Variants in FAM227B observed in about 807,000 individuals in gnomAD.
FAM227B encodes protein FAM227B.
Under a neutral mutation model 73.8 loss-of-function variants are expected in FAM227B, and 88 were observed. The ratio of observed to expected loss-of-function variants is 1.19; its 90% CI spans 1.00 to 1.42. The LOEUF (loss-of-function observed/expected upper bound fraction) is 1.42, where lower values mean the gene tolerates loss of function less well. Among genes scored for constraint, FAM227B ranks in the 40% most tolerant of loss-of-function variants. FAM227B has a pLI of 0.00. For missense variants in FAM227B, 632 were observed against 590.9 expected, an observed-to-expected ratio of 1.07 and a Z score of -0.72; for synonymous variants, 210 against 190.5, an observed-to-expected ratio of 1.10 and a Z score of -0.84.
At chr15:49,499,510 G>T (rs983489181) in intron 11 of FAM227B, among the ~76,000 whole-genome samples, 3 of 152,104 alleles carry the variant, frequency 2.0e-5, no homozygotes, top group Non-Finnish European at 4.4e-5. Context: ...TTAAAATAAA[G>T]ATGCCCGAGT....
chr15:49,525,594 A>C (rs1169933312), intron 10 of FAM227B, among the ~76,000 whole-genome samples: 1 of 149,216 alleles, frequency 6.7e-6, no homozygotes, highest in Non-Finnish European at 1.5e-5. Context: ...GACCAGTTCT[A>C]CAGGACCTGC....
chr15:49,484,433 A>G (rs1265157291), intron 11 of FAM227B: 1 of 1,591,512 alleles, frequency 6.3e-7, no homozygotes, highest in Non-Finnish European at 8.5e-7. Flanking sequence ...TCAAAAGGGG[A>G]TTCCTGTAAG....
In FAM227B at chr15:49,427,597, C is replaced by A. The variant is rs564819199; in HGVS notation, c.1013-56198G>T. On this transcript the variant is annotated intron_variant, in intron 11 of 15. Coordinates refer to ENST00000299338, the MANE Select transcript of FAM227B (RefSeq NM_152647.3). The stretch of plus-strand genomic sequence containing the variant: ...GCCAGCTATGCAAAATATAATTATT[C>A]TTCTGGTTACCAAAAGAAAGTCCCC... 9.1e-4 allele frequency among the ~76,000 whole-genome samples: 138 copies of A among 152,002 alleles called. 5 individuals carry two copies. In the South Asian group the frequency reaches 0.027, roughly 30 times the overall value.
At chr15:49,379,375 G>A (rs1053963303) in intron 11 of FAM227B, among the ~76,000 whole-genome samples, 1 of 152,074 alleles carries the variant, frequency 6.6e-6, no homozygotes, top group Non-Finnish European at 1.5e-5. Flanking sequence ...AGTAGGATTG[G>A]TGTTAGTTCT....
chr15:49,334,853 G>A (rs1035759511), intron 14 of FAM227B, among the ~76,000 whole-genome samples: 6 of 152,148 alleles, frequency 3.9e-5, no homozygotes, highest in Non-Finnish European at 8.8e-5. Context: ...ACTGGACCCT[G>A]CCCATTTGTT....
intron 11 of FAM227B, among the ~76,000 whole-genome samples, chr15:49,469,258 CA>C (rs1365911849): frequency 6.6e-6 from 1 of 152,044 alleles, no homozygotes; most frequent in Non-Finnish European, 1.5e-5. Context: ...TTTAGAGAAA[CA>C]TTTCTTGGTT....
chr15:49,617,994 TAG>T (rs1447510537), intron 1 of FAM227B, among the ~76,000 whole-genome samples: 2 of 152,190 alleles, frequency 1.3e-5, no homozygotes, highest in Admixed American at 6.5e-5. Flanking sequence ...GCCAGCAGTG[TAG>T]AGTCTTCTCC....
At chr15:49,616,873 T>A (rs538011291) in intron 1 of FAM227B, among the ~76,000 whole-genome samples, 1 of 152,358 alleles carries the variant, frequency 6.6e-6, no homozygotes, top group South Asian at 2.1e-4. Flanking sequence ...TCTGTGGTGA[T>A]GTTTCATTTT....
chr15:49,518,765 G>A (rs891799970), intron 10 of FAM227B, among the ~76,000 whole-genome samples: 1 of 152,128 alleles, frequency 6.6e-6, no homozygotes, highest in Non-Finnish European at 1.5e-5. Context: ...TGAGATTTGG[G>A]TGGGGGACAC....
chr15:49,361,641 C>T (rs893765035), intron 13 of FAM227B, among the ~76,000 whole-genome samples: 3 of 151,716 alleles, frequency 2.0e-5, no homozygotes, highest in Non-Finnish European at 4.4e-5. Context: ...TTTACCTAGT[C>T]CTGTTGATGG....
chr15:49,493,872 G>A (rs199603729), intron 11 of FAM227B, among the ~76,000 whole-genome samples: 5 of 148,132 alleles, frequency 3.4e-5, no homozygotes, highest in Non-Finnish European at 7.5e-5. Context: ...GTATGTATGT[G>A]TATATATATA....
At chr15:49,405,677 G>A (rs118174717) in intron 11 of FAM227B, among the ~76,000 whole-genome samples, 14 of 152,114 alleles carry the variant, frequency 9.2e-5, no homozygotes, top group Non-Finnish European at 2.9e-5. Context: ...AGCTTCCTTA[G>A]ATTGGGTTTC....
At chr15:49,384,972 A>G (rs557226546) in intron 11 of FAM227B, among the ~76,000 whole-genome samples, 1 of 152,012 alleles carries the variant, frequency 6.6e-6, no homozygotes, top group South Asian at 2.1e-4. Context: ...AAAACATTTC[A>G]ATTATATTCA....
At chr15:49,547,347 A>G (rs4374105) in intron 9 of FAM227B, among the ~76,000 whole-genome samples, 45,136 of 145,498 alleles carry the variant, frequency 0.31, 7,573 homozygotes, top group African/African-American at 0.44. Flanking sequence ...AAAGACCATC[A>G]AGGCTAGGAA....
intron 11 of FAM227B, among the ~76,000 whole-genome samples, chr15:49,462,961 T>C (rs1031573732): frequency 3.9e-5 from 6 of 152,226 alleles, no homozygotes; most frequent in African/African-American, 9.6e-5. Context: ...TATAGCATTA[T>C]TGGATTCTCT....
intron 10 of FAM227B, among the ~76,000 whole-genome samples, chr15:49,522,109 T>C (rs965134): frequency 0.32 from 48,102 of 151,938 alleles, 8,200 homozygotes; most frequent in African/African-American, 0.42. Context: ...AGTGAGTCAG[T>C]TCATACACCC....
intron 11 of FAM227B, among the ~76,000 whole-genome samples, chr15:49,435,933 T>C (rs942077423): frequency 6.6e-6 from 1 of 151,554 alleles, no homozygotes; most frequent in Non-Finnish European, 1.5e-5. Flanking sequence ...ATATAATTAA[T>C]GTTAATTCTT....
intron 4 of FAM227B, among the ~76,000 whole-genome samples, chr15:49,588,738 C>CTATA (rs1056674191): frequency 6.7e-6 from 1 of 150,022 alleles, no homozygotes; most frequent in African/African-American, 2.4e-5. Flanking sequence ...TGTATGCAAG[C>CTATA]TATATATATG....
intron 11 of FAM227B, among the ~76,000 whole-genome samples, chr15:49,437,190 A>C (rs1164528533): frequency 6.6e-6 from 1 of 151,572 alleles, no homozygotes; most frequent in African/African-American, 2.4e-5. Flanking sequence ...AATTGTATAT[A>C]TACAGTTTAA....
Sources: gnomAD v4.1 joint callset for allele counts (sites outside exome capture counted in the v4.1 genomes callset) on GRCh38, gnomAD v4.1.1 for gene constraint, MANE v1.5 for transcripts, NCBI Gene and HGNC (gene_info 2026-07-23, HGNC 2026-07-21) for gene names.